Variants in VTI1A observed in about 807,000 individuals in gnomAD.
VTI1A encodes vesicle transport through interaction with t-SNAREs homolog 1A.
VTI1A carries 22 observed loss-of-function variants against 34.9 expected under a neutral mutation model. The observed-to-expected ratio is 0.63, with a 90% CI of 0.45 to 0.90. The LOEUF (loss-of-function observed/expected upper bound fraction) is 0.90. VTI1A is among the 40% of genes least tolerant of loss of function. The pLI is 0.00. For synonymous variants in VTI1A, 87 were observed against 97.3 expected (o/e 0.89, Z 0.62); for missense variants, 268 against 275.6 (o/e 0.97, Z 0.20).
chr10:112,548,780 TG>T, intron 5 of VTI1A: 1 of 1,487,788 alleles, frequency 6.7e-7, no homozygotes, highest in Non-Finnish European at 9.1e-7. Flanking sequence ...TCGACACACA[TG>T]GGCTTGCCAG....
chr10:112,695,922 C>T (rs1440681737), intron 7 of VTI1A, among the ~76,000 whole-genome samples: 6 of 152,106 alleles, frequency 3.9e-5, no homozygotes, highest in Admixed American at 2.6e-4. Context: ...TTAGATGAAA[C>T]GTGTAAGTTG....
At chr10:112,774,845 A>T (rs142932821) in intron 7 of VTI1A, among the ~76,000 whole-genome samples, 7 of 152,232 alleles carry the variant, frequency 4.6e-5, no homozygotes, top group Non-Finnish European at 8.8e-5. Context: ...CCCCCTCCTG[A>T]GGGCCTGTCA....
intron 5 of VTI1A, among the ~76,000 whole-genome samples, chr10:112,606,014 TTTTTTTCTTTTTTTC>T (rs1845063398): frequency 2.6e-5 from 2 of 77,566 alleles, no homozygotes; most frequent in South Asian, 5.9e-4. Context: ...GCTAGTTTTC[TTTTTTTCTTTTTTTC>T]TTTTTTTTTT....
intron 7 of VTI1A, among the ~76,000 whole-genome samples, chr10:112,782,386 G>A (rs763254905): frequency 1.3e-5 from 2 of 152,262 alleles, no homozygotes; most frequent in African/African-American, 4.8e-5. Context: ...CCTGCGTGAA[G>A]GCCCTTTGGC....
intron 4 of VTI1A, among the ~76,000 whole-genome samples, chr10:112,537,311 G>GTATATATATATCTATATATATATA (rs1850673600): frequency 1.5e-5 from 1 of 65,222 alleles, no homozygotes; most frequent in Non-Finnish European, 3.6e-5. Flanking sequence ...AAGTATCTAG[G>GTATATATATATCTATATATATATA]TATATATATA....
At chr10:112,741,127 G>A (rs753092747) in intron 7 of VTI1A, among the ~76,000 whole-genome samples, 21 of 152,180 alleles carry the variant, frequency 1.4e-4, no homozygotes, top group Admixed American at 7.9e-4. Flanking sequence ...TAGATTATTA[G>A]TGGTCACAGA....
chr10:112,743,056 G>T (rs1267546844), intron 7 of VTI1A, among the ~76,000 whole-genome samples: 1 of 143,400 alleles, frequency 7.0e-6, no homozygotes, highest in African/African-American at 2.6e-5. Flanking sequence ...GTGTGTGTGT[G>T]TCTTCCTGAA....
intron 5 of VTI1A, among the ~76,000 whole-genome samples, chr10:112,539,529 G>A (rs975619468): frequency 5.9e-5 from 9 of 152,166 alleles, no homozygotes; most frequent in Non-Finnish European, 1.2e-4. Flanking sequence ...TGCCCGGATT[G>A]GAATAAAAGC....
chr10:112,509,742 T>C (rs1256234208), intron 3 of VTI1A, among the ~76,000 whole-genome samples: 1 of 152,234 alleles, frequency 6.6e-6, no homozygotes. Context: ...AGAGCTATTA[T>C]GCCAAATATG....
At chr10:112,666,407 C>T (rs1427734011) in intron 5 of VTI1A, among the ~76,000 whole-genome samples, 1 of 152,142 alleles carries the variant, frequency 6.6e-6, no homozygotes, top group East Asian at 1.9e-4. Context: ...CTTTGAAACA[C>T]AAATTCTTCT....
chr10:112,752,831 CT>C (rs1851146521), intron 7 of VTI1A, among the ~76,000 whole-genome samples: 1 of 152,134 alleles, frequency 6.6e-6, no homozygotes, highest in Non-Finnish European at 1.5e-5. Flanking sequence ...TTGGCAGTCT[CT>C]TTTGGGTATA....
intron 1 of VTI1A, chr10:112,448,233 C>T (rs1006863036): frequency 1.3e-5 from 2 of 152,092 alleles, no homozygotes; most frequent in Admixed American, 1.3e-4. Context: ...TACCCCCCAC[C>T]CCCATTTCTT....
intron 3 of VTI1A, among the ~76,000 whole-genome samples, chr10:112,511,696 T>C (rs1849614752): frequency 6.6e-6 from 1 of 152,198 alleles, no homozygotes; most frequent in Non-Finnish European, 1.5e-5. Flanking sequence ...AACCTGCTTC[T>C]CTTCATCCTC....
intron 7 of VTI1A, among the ~76,000 whole-genome samples, chr10:112,693,799 A>G (rs1012127365): frequency 3.9e-5 from 6 of 152,194 alleles, no homozygotes; most frequent in African/African-American, 1.2e-4. Context: ...GGAGAAATAA[A>G]AGGCACTTCT....
At chr10:112,686,785 C>G (rs1335833548) in intron 7 of VTI1A, among the ~76,000 whole-genome samples, 1 of 152,150 alleles carries the variant, frequency 6.6e-6, no homozygotes, top group African/African-American at 2.4e-5. Context: ...TGATGTCTTT[C>G]TTTTCACACG....
intron 7 of VTI1A, among the ~76,000 whole-genome samples, chr10:112,686,690 C>T (rs1171181006): frequency 3.3e-5 from 5 of 152,164 alleles, no homozygotes; most frequent in African/African-American, 7.2e-5. Context: ...CAAAGTCAGC[C>T]ACGGTGTAAG....
intron 7 of VTI1A, among the ~76,000 whole-genome samples, chr10:112,745,811 A>G (rs1850876844): frequency 6.6e-6 from 1 of 152,238 alleles, no homozygotes; most frequent in Admixed American, 6.5e-5. Context: ...AAGGAGCCCA[A>G]ACAAGTGAAG....
chr10:112,514,474 A>T (rs1359577482), intron 3 of VTI1A, among the ~76,000 whole-genome samples: 1 of 148,954 alleles, frequency 6.7e-6, no homozygotes, highest in Non-Finnish European at 1.5e-5. Context: ...ATTTTTTTCT[A>T]TTGTTTTTCT....
chr10:112,678,751 G>A (rs748338381), intron 7 of VTI1A, among the ~76,000 whole-genome samples: 1 of 152,192 alleles, frequency 6.6e-6, no homozygotes, highest in Admixed American at 6.5e-5. Flanking sequence ...GCAGGTGGTC[G>A]AGCTAGCTGC....
Sources: gnomAD v4.1 joint callset for allele counts (sites outside exome capture counted in the v4.1 genomes callset) on GRCh38, gnomAD v4.1.1 for gene constraint, MANE v1.5 for transcripts, NCBI Gene and HGNC (gene_info 2026-07-23, HGNC 2026-07-21) for gene names.